The following OTOA variants were observed in gnomAD, a reference collection of about 807,000 sequenced individuals.
The protein encoded by OTOA is otoancorin.
A neutral mutation model predicts 110.8 loss-of-function variants in OTOA; 70 were observed. The ratio of observed to expected loss-of-function variants is 0.63; its 90% CI spans 0.52 to 0.77. The LOEUF (loss-of-function observed/expected upper bound fraction) is 0.77, where lower values mean the gene tolerates loss of function less well. Among genes scored for constraint, OTOA ranks in the 30% least tolerant of loss-of-function variants. The probability of loss-of-function intolerance (pLI) is 0.00; values close to 1 mark genes in which losing one functional copy is unlikely to be tolerated. For synonymous variants in OTOA, 373 were observed against 431.5 expected, an observed-to-expected ratio of 0.86 and a Z score of 1.68; for missense variants, 917 against 1,075.8, an observed-to-expected ratio of 0.85 and a Z score of 2.06.
chr16:21,737,870 G>A (rs1174969294), intron 22 of OTOA, among the ~76,000 whole-genome samples: 1 of 152,312 alleles, frequency 6.6e-6, no homozygotes, highest in Non-Finnish European at 1.5e-5. Context: ...TGCAGACTGG[G>A]GCCAGGCATG....
rs777109473 is a variant in OTOA at position 21,685,247 on chromosome 16, CCTGGAGCAGCGT to C, written c.289_300del (p.Glu97_Leu100del). 117 of 1,612,526 alleles carry C rather than the reference CCTGGAGCAGCGT, an allele frequency of 7.3e-5. 1 individual carries two copies. Among genetic ancestry groups the C allele is most frequent in the Non-Finnish European group, 9.5e-5 (112 of 1,179,102 alleles). ...AAATACAGGCAGCCGTGGAAAACCACCTGGAGCAGCGTCTGCACCAGCCCCAGAAGCTGCTGG... is the reference window on the plus strand; with the variant it reads ...AAATACAGGCAGCCGTGGAAAACCACCTGCACCAGCCCCAGAAGCTGCTGG... On this transcript the variant is annotated inframe_deletion, in exon 7 of 29. Coordinates refer to ENST00000646100, the MANE Select transcript of OTOA (RefSeq NM_144672.4).
At chr16:21,675,995 A>G (rs900877913) in intron 1 of OTOA, among the ~76,000 whole-genome samples, 2 of 152,118 alleles carry the variant, frequency 1.3e-5, no homozygotes, top group Non-Finnish European at 2.9e-5. Flanking sequence ...TGGCATAATC[A>G]TGGCTCATTG....
intron 14 of OTOA, among the ~76,000 whole-genome samples, chr16:21,715,648 C>T (rs1325575039): frequency 6.6e-6 from 1 of 151,774 alleles, no homozygotes; most frequent in Non-Finnish European, 1.5e-5. Flanking sequence ...GCAGGCTAGT[C>T]TCAAACTCCT....
In OTOA at chr16:21,730,772, G is replaced by A. The variant is rs577880566; in HGVS notation, c.2208-65G>A. The A allele has an allele frequency of 7.5e-6, 7 of 937,964 alleles. No individual in the cohort carries two copies. In the South Asian group the frequency reaches 9.6e-5, roughly 13 times the overall value. The allele number at this position is 937,964 out of a possible 1,614,324, so 58.1% of individuals were successfully genotyped here. Reference sequence around the variant, plus strand: ...ATTCCTGAAAGAAAAGGGTGCTGGGGGAAAAGGCAACAGATGTCCACCACA... The same window carrying A: ...ATTCCTGAAAGAAAAGGGTGCTGGGAGAAAAGGCAACAGATGTCCACCACA... On this transcript the variant is annotated intron_variant, in intron 20 of 28. Transcript: ENST00000646100.
intron 12 of OTOA, chr16:21,705,527 C>T (rs1327888898): frequency 4.9e-6 from 3 of 611,542 alleles, no homozygotes; most frequent in Non-Finnish European, 8.2e-6. Flanking sequence ...AAAGCTGTCT[C>T]AGCCAGGCGC....
intron 24 of OTOA, among the ~76,000 whole-genome samples, chr16:21,749,646 T>C (rs1899761756): frequency 7.5e-6 from 1 of 133,656 alleles, no homozygotes; most frequent in Non-Finnish European, 1.6e-5. Context: ...TTGTGAGGTC[T>C]TATAATCTCT....
intron 11 of OTOA, among the ~76,000 whole-genome samples, chr16:21,703,404 T>C (rs956533639): frequency 6.6e-6 from 1 of 152,158 alleles, no homozygotes; most frequent in African/African-American, 2.4e-5. Context: ...TTATTGCACT[T>C]AGCATAAGAT....
rs1899847511 is a variant in OTOA, at chr16:21,752,197, C to A, written c.2918+120C>A. On this transcript the variant is annotated intron_variant, in intron 25 of 28. Transcript: ENST00000646100. ...TATTCCACCTCCTGACACTTGGCAC[C>A]TTTCTGGGCTAAAATCCCACTGGGC... 8.4e-5 allele frequency: 29 copies of A among 344,066 alleles called. 1 individual carries two copies. Among genetic ancestry groups the A allele is most frequent in the South Asian group, 7.3e-4 (29 of 39,978 alleles). 21.3% of individuals were successfully genotyped at this position (344,066 alleles called of 1,614,324 possible). A position where few individuals can be genotyped will look rare whatever the true frequency, so the allele number is the denominator to read the frequency against.
At chr16:21,727,006 C>T in intron 19 of OTOA, 1 of 245,282 alleles carries the variant, frequency 4.1e-6, no homozygotes, top group East Asian at 1.1e-4. Flanking sequence ...GCACATCCCC[C>T]TTAGAGTTTT....
intron 6 of OTOA, 71 bp from the exon 7 acceptor site, chr16:21,685,159 C>T: frequency 6.3e-7 from 1 of 1,588,884 alleles, no homozygotes; most frequent in Non-Finnish European, 8.6e-7. Context: ...GGCTGGGCCG[C>T]TGGCCATGGT....
At chr16:21,712,689 A>AT (rs1043321838) in intron 13 of OTOA, among the ~76,000 whole-genome samples, 2 of 151,484 alleles carry the variant, frequency 1.3e-5, no homozygotes, top group South Asian at 2.1e-4. Context: ...AAATAAAAAA[A>AT]AAAAAATTAG....
chr16:21,679,331 A>T, intron 5 of OTOA, 120 bp downstream of exon 5: 1 of 1,143,896 alleles, frequency 8.7e-7, no homozygotes, highest in Non-Finnish European at 1.3e-6. Flanking sequence ...CAATCAATGC[A>T]CAATGTGTTA....
intron 13 of OTOA, 78 bp from the exon 14 acceptor site, chr16:21,714,907 C>T: frequency 2.5e-6 from 4 of 1,590,210 alleles, no homozygotes; most frequent in Non-Finnish European, 3.4e-6. Flanking sequence ...CTATACTTGG[C>T]ACATAGATGG....
At chr16:21,719,616 T>A in intron 17 of OTOA, 112 bp downstream of exon 17, 1 of 1,074,208 alleles carries the variant, frequency 9.3e-7, no homozygotes, top group Admixed American at 1.7e-5. Flanking sequence ...CAGACGCAAG[T>A]GATGACTTAG....
intron 9 of OTOA, among the ~76,000 whole-genome samples, chr16:21,697,421 T>G (rs1365927195): frequency 2.0e-5 from 3 of 151,764 alleles, no homozygotes; most frequent in Non-Finnish European, 4.4e-5. Flanking sequence ...TCACCTGAGG[T>G]CAGGAGTTTG....
At chr16:21,678,680 G>T in intron 2 of OTOA, 75 bp downstream of exon 2, 1 of 1,355,890 alleles carries the variant, frequency 7.4e-7, no homozygotes, top group Non-Finnish European at 1.1e-6. Flanking sequence ...GATACATTAG[G>T]TACATGATGC....
intron 17 of OTOA, among the ~76,000 whole-genome samples, chr16:21,722,270 CA>C (rs575619505): frequency 9.5e-4 from 101 of 106,016 alleles, no homozygotes; most frequent in South Asian, 2.5e-3. Flanking sequence ...AAAAAAAAAA[CA>C]AAAAAAAAAA....
rs961732285 is a variant in OTOA, at chr16:21,675,315, T to C, written c.-4-3196T>C. ...AGCCACCACACCTGGCTATTTTTTT[T>C]TTTTTTTTTTTTTTTTTTTTTTATA... On this transcript the variant is annotated intron_variant, in intron 1 of 28. Coordinates refer to ENST00000646100, the MANE Select transcript of OTOA (RefSeq NM_144672.4). 4.7e-3 allele frequency among the ~76,000 whole-genome samples: 603 copies of C among 127,662 alleles called. 3 individuals carry two copies. Among genetic ancestry groups the C allele is most frequent in the African/African-American group, 0.018 (579 of 32,406 alleles). 83.8% of individuals were successfully genotyped at this position (127,662 alleles called of 152,430 possible).
rs537575551 is a variant in OTOA at position 21,702,907 on chromosome 16, C to A, written c.980+1880C>A. ...GCCAGGATGGTCTTGATCTCTTGAC[C>A]TTGTGATCCGCCCGCCTCGGCCTCC... On this transcript the variant is annotated intron_variant, in intron 11 of 28. Coordinates refer to ENST00000646100, the MANE Select transcript of OTOA (RefSeq NM_144672.4). 1.7e-3 allele frequency among the ~76,000 whole-genome samples: 260 copies of A among 152,252 alleles called. 1 individual carries two copies. Among genetic ancestry groups the A allele is most frequent in the Admixed American group, 5.4e-3 (82 of 15,296 alleles).
Sources: gnomAD v4.1 joint callset for allele counts (sites outside exome capture counted in the v4.1 genomes callset) on GRCh38, gnomAD v4.1.1 for gene constraint, MANE v1.5 for transcripts, NCBI Gene and HGNC (gene_info 2026-07-23, HGNC 2026-07-21) for gene names.